Variants in CREB5 observed in about 807,000 individuals in gnomAD.
The protein encoded by CREB5 is cAMP responsive element binding protein 5, also known as cyclic AMP-responsive element-binding protein 5.
CREB5 carries 19 observed loss-of-function variants against 57.1 expected under a neutral mutation model. That is an observed-to-expected ratio of 0.33 (90% CI 0.23 to 0.49). The LOEUF (loss-of-function observed/expected upper bound fraction) is 0.49. CREB5 is among the 20% of genes least tolerant of loss of function. The pLI, the probability that CREB5 is intolerant of heterozygous loss-of-function variation, is 0.99. For synonymous variants in CREB5, 238 were observed against 238.3 expected (o/e 1.00, Z 0.01); for missense variants, 579 against 671.6 (o/e 0.86, Z 1.52).
intron 5 of CREB5, among the ~76,000 whole-genome samples, chr7:28,604,329 G>A (rs1457724557): frequency 1.3e-5 from 2 of 152,050 alleles, no homozygotes; most frequent in Non-Finnish European, 2.9e-5. Flanking sequence ...TGAGATTTGG[G>A]TTTATTTTCT....
At chr7:28,581,694 A>G (rs35453855) in intron 5 of CREB5, among the ~76,000 whole-genome samples, 29,734 of 152,196 alleles carry the variant, frequency 0.2, 3,150 homozygotes, top group East Asian at 0.28. Context: ...TATCAGGCCC[A>G]CTACAGTACA....
chr7:28,534,954 C>A (rs1429078238), intron 4 of CREB5, among the ~76,000 whole-genome samples: 1 of 141,280 alleles, frequency 7.1e-6, no homozygotes, highest in African/African-American at 2.6e-5. Context: ...TCCCGTATCA[C>A]CTCCCAGTTA....
At chr7:28,451,281 C>T (rs1383405597) in intron 1 of CREB5, among the ~76,000 whole-genome samples, 1 of 152,132 alleles carries the variant, frequency 6.6e-6, no homozygotes, top group Non-Finnish European at 1.5e-5. Flanking sequence ...ATACTAGTGG[C>T]TGGCATCTAA....
chr7:28,341,385 C>T (rs1386215240), intron 1 of CREB5, among the ~76,000 whole-genome samples: 4 of 152,014 alleles, frequency 2.6e-5, no homozygotes, highest in Non-Finnish European at 5.9e-5. Flanking sequence ...TCAATTATAC[C>T]AGTCATTCAC....
chr7:28,466,572 C>T (rs1790581438), intron 1 of CREB5, among the ~76,000 whole-genome samples: 1 of 152,170 alleles, frequency 6.6e-6, no homozygotes, highest in South Asian at 2.1e-4. Context: ...TTCTTTCTGA[C>T]TAAGCTTTTC....
chr7:28,538,701 C>A (rs1397303102), intron 4 of CREB5, among the ~76,000 whole-genome samples: 2 of 152,118 alleles, frequency 1.3e-5, no homozygotes, highest in Non-Finnish European at 2.9e-5. Context: ...TGATTTTCAG[C>A]CACTTTTCCT....
intron 1 of CREB5, among the ~76,000 whole-genome samples, chr7:28,435,381 ATTTTT>A (rs34815040): frequency 4.8e-4 from 50 of 103,514 alleles, no homozygotes; most frequent in Non-Finnish European, 6.4e-4. Context: ...TTTCCCTTCC[ATTTTT>A]TTTTTTTTTT....
chr7:28,469,850 C>A (rs1441261034), intron 1 of CREB5, among the ~76,000 whole-genome samples: 1 of 152,140 alleles, frequency 6.6e-6, no homozygotes, highest in Non-Finnish European at 1.5e-5. Flanking sequence ...AGTCACACAG[C>A]TAATTATTGA....
chr7:28,491,220 G>A (rs879716149), intron 2 of CREB5: 257 of 985,388 alleles, frequency 2.6e-4, no homozygotes, highest in Non-Finnish European at 2.9e-4. Flanking sequence ...AAGGATAGCC[G>A]AGCTGGAGTT....
intron 7 of CREB5, among the ~76,000 whole-genome samples, chr7:28,756,256 A>C (rs1805290637): frequency 6.6e-6 from 1 of 152,038 alleles, no homozygotes; most frequent in Admixed American, 6.5e-5. Flanking sequence ...TTCACTCAGC[A>C]AAAGTACATT....
chr7:28,781,253 C>G (rs1265291131), intron 7 of CREB5, among the ~76,000 whole-genome samples: 1 of 152,166 alleles, frequency 6.6e-6, no homozygotes, highest in Non-Finnish European at 1.5e-5. Flanking sequence ...TTCCCATTCC[C>G]TATGGAAAAC....
intron 5 of CREB5, among the ~76,000 whole-genome samples, chr7:28,604,233 C>T (rs1429556717): frequency 1.3e-5 from 2 of 152,156 alleles, no homozygotes; most frequent in African/African-American, 4.8e-5. Flanking sequence ...CTCACCACCT[C>T]TGCACACTTG....
chr7:28,819,075 G>A (rs949137409), intron 10 of CREB5, 41 bp from the exon 11 acceptor site: 5 of 1,582,754 alleles, frequency 3.2e-6, no homozygotes, highest in Non-Finnish European at 2.6e-6. Flanking sequence ...CTATATTGGT[G>A]TGTGTGTATG....
At chr7:28,396,460 T>G (rs1787337581) in intron 1 of CREB5, among the ~76,000 whole-genome samples, 1 of 152,194 alleles carries the variant, frequency 6.6e-6, no homozygotes, top group African/African-American at 2.4e-5. Flanking sequence ...AATTCTATAA[T>G]ATATACTAAT....
rs1361165090 is a variant in CREB5 at position 28,825,572 on chromosome 7, T to A, written c.*6293T>A. 6.6e-6 allele frequency: 1 copy of A among 152,606 alleles called. No homozygotes were observed. The highest frequency in any genetic ancestry group is 1.5e-5 in the Non-Finnish European group (1 of 68,026). The allele number at this position is 152,606 out of a possible 1,614,324, so 9.5% of individuals were successfully genotyped here. A position where few individuals can be genotyped will look rare whatever the true frequency, so the allele number is the denominator to read the frequency against. ...GTCACTTTAAGTTCTGGACTTGGGG[T>A]TCTTTGTATTTGTAAACAGCAAAGC... On this transcript the variant is annotated 3_prime_UTR_variant, in exon 11 of 11. Coordinates refer to ENST00000357727, the MANE Select transcript of CREB5 (RefSeq NM_182898.4).
intron 1 of CREB5, among the ~76,000 whole-genome samples, chr7:28,338,413 T>C (rs1164249730): frequency 2.6e-5 from 4 of 152,168 alleles, no homozygotes; most frequent in Admixed American, 1.3e-4. Context: ...AAAAAGTTTT[T>C]TTCCTTTAGC....
intron 7 of CREB5, among the ~76,000 whole-genome samples, chr7:28,737,899 T>C (rs1804119798): frequency 6.6e-6 from 1 of 152,094 alleles, no homozygotes. Context: ...AAAGTAAATA[T>C]GACTTTTAAG....
intron 4 of CREB5, among the ~76,000 whole-genome samples, chr7:28,531,539 A>G (rs1301142640): frequency 2.0e-5 from 3 of 152,184 alleles, no homozygotes; most frequent in Non-Finnish European, 4.4e-5. Flanking sequence ...CCTCATCTTA[A>G]CTAATTACAT....
In CREB5 at chr7:28,306,951, A is replaced by G. The variant is rs183179277; in HGVS notation, c.-25+7510A>G. ...TGGAGTAGGAATCTAATAGATGACA[A>G]CATTTTGGTTTACTTGCTTTTGCAG... On this transcript the variant is annotated intron_variant, in intron 1 of 9. Coordinates refer to the CREB5 transcript ENST00000396299. Among the ~76,000 whole-genome samples the G allele has an allele frequency of 3.3e-5, 5 of 152,374 alleles. No homozygotes were observed. In the East Asian group the frequency reaches 9.6e-4, roughly 29 times the overall value.
Sources: allele counts gnomAD v4.1 joint callset (sites outside exome capture counted in the v4.1 genomes callset), GRCh38; gene constraint gnomAD v4.1.1; transcripts MANE v1.5; gene names NCBI Gene and HGNC (gene_info 2026-07-23, HGNC 2026-07-21).